The following AKAP6 variants were observed in gnomAD, a reference collection of about 807,000 sequenced individuals.
The protein encoded by AKAP6 is A-kinase anchor protein 6.
Under a neutral mutation model 188.5 loss-of-function variants are expected in AKAP6, and 58 were observed. The ratio of observed to expected loss-of-function variants is 0.31; its 90% CI spans 0.25 to 0.38. The LOEUF (loss-of-function observed/expected upper bound fraction) is 0.38, where lower values mean the gene tolerates loss of function less well. Ranked by LOEUF, AKAP6 falls within the 10% of genes least tolerant of loss-of-function variation. The pLI is 1.00. For missense variants in AKAP6, 2,710 were observed against 2,740.0 expected, an observed-to-expected ratio of 0.99 and a Z score of 0.24; for synonymous variants, 989 against 998.6, an observed-to-expected ratio of 0.99 and a Z score of 0.18.
chr14:32,351,733 G>A (rs1455156277), intron 1 of AKAP6, among the ~76,000 whole-genome samples: 1 of 152,048 alleles, frequency 6.6e-6, no homozygotes, highest in Non-Finnish European at 1.5e-5. Context: ...GAAGTTGTTA[G>A]TGATAGAAAT....
intron 9 of AKAP6, among the ~76,000 whole-genome samples, chr14:32,724,080 T>TCC (rs2030714338): frequency 9.3e-3 from 1 of 108 alleles, no homozygotes; most frequent in Admixed American, 0.25. Context: ...TTCTTCTTCT[T>TCC]TTTTTTTCCT....
chr14:32,810,121 C>A (rs564211101), intron 12 of AKAP6, among the ~76,000 whole-genome samples: 1 of 152,114 alleles, frequency 6.6e-6, no homozygotes, highest in East Asian at 1.9e-4. Context: ...CATCTCTGTG[C>A]GATCAACTCA....
intron 4 of AKAP6, among the ~76,000 whole-genome samples, chr14:32,571,697 T>A (rs892550548): frequency 6.6e-6 from 1 of 152,104 alleles, no homozygotes; most frequent in African/African-American, 2.4e-5. Flanking sequence ...TGAGGATGAA[T>A]ACACACACAT....
intron 2 of AKAP6, among the ~76,000 whole-genome samples, chr14:32,479,191 T>C (rs1436625458): frequency 2.0e-5 from 3 of 152,180 alleles, no homozygotes; most frequent in Non-Finnish European, 4.4e-5. Context: ...CATATTCTTA[T>C]AAAAATGAGG....
At chr14:32,464,655 A>G (rs558597888) in intron 2 of AKAP6, among the ~76,000 whole-genome samples, 1 of 152,330 alleles carries the variant, frequency 6.6e-6, no homozygotes, top group African/African-American at 2.4e-5. Flanking sequence ...AATGGGCAAA[A>G]GCTGGAAACA....
At chr14:32,404,691 G>GATATATATATATATATATAT (rs55702209) in intron 1 of AKAP6, among the ~76,000 whole-genome samples, 1,652 of 44,308 alleles carry the variant, frequency 0.037, 262 homozygotes, top group Non-Finnish European at 0.05. Flanking sequence ...GGAGTCAGGA[G>GATATATATATATATATATAT]ATATATATAT....
At chr14:32,377,626 A>C (rs1236373535) in intron 1 of AKAP6, among the ~76,000 whole-genome samples, 1 of 152,130 alleles carries the variant, frequency 6.6e-6, no homozygotes, top group Non-Finnish European at 1.5e-5. Context: ...GGTAAAAATC[A>C]CTGCTTTCCT....
At chr14:32,347,268 C>A (rs141027789) in intron 1 of AKAP6, among the ~76,000 whole-genome samples, 1 of 152,258 alleles carries the variant, frequency 6.6e-6, no homozygotes, top group African/African-American at 2.4e-5. Context: ...GCCCTTTTTT[C>A]TTACACATGT....
At chr14:32,575,642 T>C (rs2139260533) in intron 4 of AKAP6, among the ~76,000 whole-genome samples, 2 of 152,326 alleles carry the variant, frequency 1.3e-5, no homozygotes, top group Non-Finnish European at 2.9e-5. Flanking sequence ...TTTGAAAGAA[T>C]ATAAATGAGA....
chr14:32,688,646 G>A (rs532006965), intron 8 of AKAP6, among the ~76,000 whole-genome samples: 15 of 152,244 alleles, frequency 9.9e-5, no homozygotes, highest in African/African-American at 3.6e-4. Flanking sequence ...AATTTCTCCT[G>A]TAGTTCTTTA....
At chr14:32,621,685 T>A (rs911748953) in intron 7 of AKAP6, among the ~76,000 whole-genome samples, 1 of 152,104 alleles carries the variant, frequency 6.6e-6, no homozygotes, top group African/African-American at 2.4e-5. Flanking sequence ...ATCTGTTAGG[T>A]CTATTTGTTC....
rs1273790246 is a variant in AKAP6 at position 32,545,817 on chromosome 14, A to C, written c.1164A>C (p.Thr388=). The C allele has an allele frequency of 1.9e-6, 3 of 1,614,122 alleles. No homozygotes were observed. The highest frequency in any genetic ancestry group is 1.7e-6 in the Non-Finnish European group (2 of 1,180,052). ...NYNEDSPTQP[T]LPKRGLFLKE... ...ACGAGGACTCTCCCACGCAGCCTACATTGCCAAAAAGAGGACTTTTTCTTA... is the reference window on the plus strand; with the variant it reads ...ACGAGGACTCTCCCACGCAGCCTACCTTGCCAAAAAGAGGACTTTTTCTTA... The change falls in exon 4 of 14, where the codon ACA becomes ACC. Residue 388 remains threonine, a synonymous_variant. Transcript: ENST00000280979.
chr14:32,481,291 C>G (rs554743038), intron 2 of AKAP6, among the ~76,000 whole-genome samples: 5 of 152,188 alleles, frequency 3.3e-5, no homozygotes, highest in African/African-American at 1.2e-4. Context: ...GTTCGCAGAT[C>G]CAATGATCCA....
At chr14:32,802,888 A>G (rs1189559336) in intron 12 of AKAP6, among the ~76,000 whole-genome samples, 1 of 152,204 alleles carries the variant, frequency 6.6e-6, no homozygotes, top group Non-Finnish European at 1.5e-5. Context: ...AGTTGAGGTC[A>G]GTAGTTCAAG....
chr14:32,812,291 T>C (rs959750722), intron 12 of AKAP6, among the ~76,000 whole-genome samples: 1 of 152,234 alleles, frequency 6.6e-6, no homozygotes. Flanking sequence ...TTGATGTTAT[T>C]TTTCTCTTGA....
chr14:32,710,413 C>T (rs2139749058), intron 9 of AKAP6, among the ~76,000 whole-genome samples: 1 of 152,012 alleles, frequency 6.6e-6, no homozygotes, highest in East Asian at 1.9e-4. Flanking sequence ...TTGCTTACAT[C>T]TGTTGTTATG....
chr14:32,563,886 A>AT (rs1884072393), intron 4 of AKAP6, among the ~76,000 whole-genome samples: 1 of 152,230 alleles, frequency 6.6e-6, no homozygotes, highest in East Asian at 1.9e-4. Flanking sequence ...CAACATTCTA[A>AT]TTTATAATTT....
intron 4 of AKAP6, among the ~76,000 whole-genome samples, chr14:32,570,279 T>A (rs1884418748): frequency 6.6e-6 from 1 of 150,602 alleles, no homozygotes; most frequent in South Asian, 2.1e-4. Flanking sequence ...TATAGGCACA[T>A]GCCACCACGC....
chr14:32,461,660 G>T (rs1891327207), intron 2 of AKAP6, among the ~76,000 whole-genome samples: 1 of 151,904 alleles, frequency 6.6e-6, no homozygotes, highest in Non-Finnish European at 1.5e-5. Context: ...CCAAAAACCA[G>T]AATGCCTCTT....
Sources: allele counts gnomAD v4.1 joint callset (sites outside exome capture counted in the v4.1 genomes callset), GRCh38; gene constraint gnomAD v4.1.1; transcripts MANE v1.5; gene names NCBI Gene and HGNC (gene_info 2026-07-23, HGNC 2026-07-21).